ARB2A: variants seen among roughly 807,000 people sequenced by gnomAD.
The protein encoded by ARB2A is ARB2 cotranscriptional regulator A, also known as cotranscriptional regulator ARB2A.
chr5:93,774,415 CAGTT>C, the ARB2A span, among the ~76,000 whole-genome samples: 3 of 152,312 alleles, frequency 2.0e-5, no homozygotes, highest in South Asian at 6.2e-4. Flanking sequence ...TTGCACTAAA[CAGTT>C]AGCCAAGTAG....
the ARB2A span, among the ~76,000 whole-genome samples, chr5:94,108,368 G>A: frequency 2.0e-5 from 3 of 151,230 alleles, no homozygotes; most frequent in Non-Finnish European, 4.4e-5. Flanking sequence ...TATTATAGAA[G>A]ATGGTGTATT....
the ARB2A span, among the ~76,000 whole-genome samples, chr5:93,747,354 G>T: frequency 6.6e-6 from 1 of 151,998 alleles, no homozygotes; most frequent in Non-Finnish European, 1.5e-5. Flanking sequence ...AATCTCTTTA[G>T]GAAACTATGA....
At chr5:93,785,226 A>G in the ARB2A span, among the ~76,000 whole-genome samples, 1 of 152,198 alleles carries the variant, frequency 6.6e-6, no homozygotes, top group African/African-American at 2.4e-5. Context: ...TAAAATTTCT[A>G]CATCAAAAGA....
the ARB2A span, among the ~76,000 whole-genome samples, chr5:93,793,817 AAGGTGACATGC>A: frequency 1.3e-5 from 2 of 152,172 alleles, no homozygotes; most frequent in Non-Finnish European, 2.9e-5. Context: ...GAGAGAAATT[AAGGTGACATGC>A]AGGTCCCATT....
the ARB2A span, among the ~76,000 whole-genome samples, chr5:94,057,863 C>G: frequency 6.6e-6 from 1 of 151,934 alleles, no homozygotes; most frequent in Non-Finnish European, 1.5e-5. Context: ...GAATGAAGAC[C>G]CTGTTGAGCT....
the ARB2A span, among the ~76,000 whole-genome samples, chr5:94,037,477 T>C: frequency 6.6e-6 from 1 of 152,146 alleles, no homozygotes; most frequent in South Asian, 2.1e-4. Context: ...ATCTTCTTAA[T>C]GAATAGCCTA....
chr5:93,870,238 A>C, the ARB2A span, among the ~76,000 whole-genome samples: 1 of 152,242 alleles, frequency 6.6e-6, no homozygotes, highest in South Asian at 2.1e-4. Flanking sequence ...AAGGAGGGCA[A>C]ACTGTTGGAG....
the ARB2A span, among the ~76,000 whole-genome samples, chr5:93,670,800 G>A: frequency 6.6e-6 from 1 of 152,180 alleles, no homozygotes; most frequent in Non-Finnish European, 1.5e-5. Flanking sequence ...ACTATAGTCA[G>A]TCCTCTGTTT....
chr5:93,677,146 T>A, the ARB2A span, among the ~76,000 whole-genome samples: 1 of 152,244 alleles, frequency 6.6e-6, no homozygotes, highest in East Asian at 1.9e-4. Context: ...TGCAGATTCA[T>A]AACATATTAT....
At chr5:93,705,609 A>ATGTGTGTGTGTGTGTG in the ARB2A span, among the ~76,000 whole-genome samples, 167 of 128,750 alleles carry the variant, frequency 1.3e-3, no homozygotes, top group Middle Eastern at 4.1e-3. Context: ...TTGGGAAAAA[A>ATGTGTGTGTGTGTGTG]TGTGTGTGTG....
the ARB2A span, among the ~76,000 whole-genome samples, chr5:93,922,816 C>G: frequency 6.6e-6 from 1 of 152,074 alleles, no homozygotes; most frequent in Admixed American, 6.6e-5. Flanking sequence ...GTGGCGGAAG[C>G]TTTCCAATTA....
At chr5:94,025,170 C>T in the ARB2A span, among the ~76,000 whole-genome samples, 1 of 152,188 alleles carries the variant, frequency 6.6e-6, no homozygotes, top group African/African-American at 2.4e-5. Flanking sequence ...TTTCTTAAGT[C>T]ATCTTGGTCT....
chr5:93,639,932 C>A, the ARB2A span, among the ~76,000 whole-genome samples: 2 of 151,462 alleles, frequency 1.3e-5, no homozygotes, highest in Non-Finnish European at 2.9e-5. Context: ...GTAATCCCAG[C>A]TACTAGGGAG....
the ARB2A span, among the ~76,000 whole-genome samples, chr5:93,908,575 AT>A: frequency 6.6e-6 from 1 of 150,734 alleles, no homozygotes; most frequent in Non-Finnish European, 1.5e-5. Flanking sequence ...AAATTTAGCT[AT>A]TTTTCTAAGT....
At chr5:94,020,415 A>C in the ARB2A span, among the ~76,000 whole-genome samples, 168 of 152,210 alleles carry the variant, frequency 1.1e-3, no homozygotes, top group African/African-American at 3.9e-3. Context: ...GCCAGAACTT[A>C]AAGTATAATA....
chr5:93,989,310 ATATAAC>A, the ARB2A span, among the ~76,000 whole-genome samples: 20 of 152,328 alleles, frequency 1.3e-4, no homozygotes, highest in Non-Finnish European at 2.6e-4. Context: ...TTCATTTTAA[ATATAAC>A]TATAACTACT....
the ARB2A span, among the ~76,000 whole-genome samples, chr5:93,761,417 C>T: frequency 5.3e-5 from 8 of 152,336 alleles, no homozygotes; most frequent in East Asian, 1.9e-4. Flanking sequence ...ATATCCCGCA[C>T]GTGGCTCAGA....
chr5:93,749,921 T>C, the ARB2A span, among the ~76,000 whole-genome samples: 1 of 152,128 alleles, frequency 6.6e-6, no homozygotes, highest in African/African-American at 2.4e-5. Flanking sequence ...CAGAAGCCCT[T>C]TATTTCCTCT....
the ARB2A span, among the ~76,000 whole-genome samples, chr5:93,830,873 A>G: frequency 6.6e-6 from 1 of 152,122 alleles, no homozygotes; most frequent in Non-Finnish European, 1.5e-5. Flanking sequence ...ACAACTAACC[A>G]TAATTTAGAA....
Sources: allele counts gnomAD v4.1 joint callset (sites outside exome capture counted in the v4.1 genomes callset), GRCh38; gene constraint gnomAD v4.1.1; transcripts MANE v1.5; gene names NCBI Gene and HGNC (gene_info 2026-07-23, HGNC 2026-07-21).